Variants in SYT1 observed in about 807,000 individuals in gnomAD.
SYT1 encodes synaptotagmin 1, also known as synaptotagmin-1.
Under a neutral mutation model 44.8 loss-of-function variants are expected in SYT1, and 8 were observed. That is an observed-to-expected ratio of 0.18 (90% CI 0.10 to 0.32). SYT1 has a LOEUF of 0.32. Ranked by LOEUF, SYT1 falls within the 10% of genes least tolerant of loss-of-function variation. The probability of loss-of-function intolerance (pLI) is 1.00; values close to 1 mark genes in which losing one functional copy is unlikely to be tolerated. For synonymous variants in SYT1, 154 were observed against 188.8 expected (o/e 0.82, Z 1.51); for missense variants, 286 against 509.3 (o/e 0.56, Z 4.22).
chr12:79,355,220 GC>G (rs1883066321), intron 9 of SYT1, among the ~76,000 whole-genome samples: 1 of 152,148 alleles, frequency 6.6e-6, no homozygotes, highest in Admixed American at 6.6e-5. Flanking sequence ...GTTAGGTCTA[GC>G]AGGTTATTTT....
chr12:79,316,128 A>G (rs1592959448), intron 8 of SYT1, among the ~76,000 whole-genome samples: 1 of 152,220 alleles, frequency 6.6e-6, no homozygotes, highest in East Asian at 1.9e-4. Context: ...AAGCTACAGA[A>G]CATTTCTTAT....
chr12:78,947,390 C>A (rs76758411), intron 1 of SYT1, among the ~76,000 whole-genome samples: 1,752 of 149,918 alleles, frequency 0.012, 45 homozygotes, highest in African/African-American at 0.041. Flanking sequence ...AATTGGAAAC[C>A]CAGTGGCTAC....
chr12:79,152,777 G>A (rs1870352808), intron 3 of SYT1, among the ~76,000 whole-genome samples: 1 of 151,272 alleles, frequency 6.6e-6, no homozygotes, highest in African/African-American at 2.4e-5. Flanking sequence ...AGGTGAAAGG[G>A]GTATTATAGA....
At chr12:79,005,509 T>A (rs1871017290) in intron 2 of SYT1, among the ~76,000 whole-genome samples, 1 of 152,044 alleles carries the variant, frequency 6.6e-6, no homozygotes, top group Admixed American at 6.6e-5. Flanking sequence ...TGTACATTAA[T>A]CATGTATTAA....
chr12:79,414,742 A>G (rs553682175), intron 9 of SYT1, among the ~76,000 whole-genome samples: 2 of 152,292 alleles, frequency 1.3e-5, no homozygotes, highest in Admixed American at 1.3e-4. Flanking sequence ...CTCTAAGGCA[A>G]TGAAATTTTG....
At position 79,285,819 on chromosome 12, in the gene SYT1, G is replaced by A; in HGVS notation, c.199G>A (p.Val67Ile). The A allele has an allele frequency of 1.2e-6, 2 of 1,611,414 alleles. No homozygotes were observed. The highest frequency in any genetic ancestry group is 1.7e-6 in the Non-Finnish European group (2 of 1,179,378). Residue 67 changes from valine to isoleucine, a missense_variant, in exon 5 of 11, where the codon GTC (valine) becomes ATC (isoleucine). Val to Ile is a conservative substitution (Grantham distance 29, BLOSUM62 3). This residue lies in a region of SYT1 where 141 missense variants were observed against 165.7 expected (regional missense o/e 0.85). Coordinates refer to ENST00000261205, the MANE Select transcript of SYT1 (RefSeq NM_005639.3). The part of the protein sequence containing the change: ...PPWALIAIAI[V>I]AVLLVLTCCF... ...GTGGGCCTTAATTGCAATAGCCATA[G>A]TCGCAGTCCTTTTAGTCCTGACCTG...
At chr12:79,168,270 C>T (rs531662887) in intron 3 of SYT1, among the ~76,000 whole-genome samples, 3 of 152,154 alleles carry the variant, frequency 2.0e-5, no homozygotes, top group South Asian at 4.1e-4. Context: ...GCCTCAGTTT[C>T]CTCATCTGTG....
chr12:79,309,102 G>T (rs868770724), intron 8 of SYT1, among the ~76,000 whole-genome samples: 4 of 152,320 alleles, frequency 2.6e-5, no homozygotes, highest in Middle Eastern at 3.4e-3. Context: ...AAACTGGAGG[G>T]TGTCCTGGCT....
chr12:78,926,326 C>T (rs1565720664), intron 1 of SYT1, among the ~76,000 whole-genome samples: 1 of 152,034 alleles, frequency 6.6e-6, no homozygotes, highest in East Asian at 1.9e-4. Flanking sequence ...GACATTGCTG[C>T]ATTTTTCTCA....
intron 4 of SYT1, 138 bp from the exon 5 acceptor site, chr12:79,285,649 T>C: frequency 1.6e-6 from 1 of 611,528 alleles, no homozygotes; most frequent in Non-Finnish European, 2.8e-6. Context: ...GATAAAGTAC[T>C]GAGGAATGGT....
intron 9 of SYT1, among the ~76,000 whole-genome samples, chr12:79,409,016 A>G (rs1347908157): frequency 6.6e-6 from 1 of 152,030 alleles, no homozygotes; most frequent in Non-Finnish European, 1.5e-5. Context: ...TCGGGCCAGC[A>G]TTACATTCTC....
intron 3 of SYT1, among the ~76,000 whole-genome samples, chr12:79,063,205 C>G (rs1037914409): frequency 6.6e-6 from 1 of 152,134 alleles, no homozygotes; most frequent in Admixed American, 6.6e-5. Flanking sequence ...TGAAATATGA[C>G]CCTTTGTTAA....
Position 79,409,656 on chromosome 12 carries a change from AC to A in SYT1, c.929-34416del, listed in dbSNP as rs571529686. ...AAGCCAGTTTTCAGTTTTATTATTT[AC>A]TTTGCTGCCTTGATCATTTTTCTGC... On this transcript the variant is annotated intron_variant, in intron 9 of 10. Coordinates refer to ENST00000261205, the MANE Select transcript of SYT1 (RefSeq NM_005639.3). Among the ~76,000 whole-genome samples the A allele has an allele frequency of 6.6e-5, 10 of 152,168 alleles. No individual in the cohort carries two copies. The East Asian group carries it at 1.9e-3, about 29-fold the overall frequency.
chr12:79,371,566 A>G (rs944984325), intron 9 of SYT1, among the ~76,000 whole-genome samples: 20 of 152,332 alleles, frequency 1.3e-4, no homozygotes, highest in Admixed American at 1.3e-3. Context: ...CTGCTGGAAA[A>G]TAATGTCCAG....
chr12:79,387,168 C>A (rs964379563), intron 9 of SYT1, among the ~76,000 whole-genome samples: 2 of 152,152 alleles, frequency 1.3e-5, no homozygotes, highest in African/African-American at 4.8e-5. Flanking sequence ...CTCTTACCCA[C>A]CTTGTAATCT....
chr12:79,017,457 A>T lies in SYT1; in HGVS notation c.-83-29840A>T, dbSNP rs529447800. 1.4e-4 allele frequency among the ~76,000 whole-genome samples: 21 copies of T among 152,286 alleles called. 1 individual carries two copies. The South Asian group carries it at 3.5e-3, about 26-fold the overall frequency. On this transcript the variant is annotated intron_variant, in intron 2 of 10. Coordinates refer to ENST00000261205, the MANE Select transcript of SYT1 (RefSeq NM_005639.3). ...AAATTAACTAGGATAGTTCAAAAAT[A>T]TAACAGAGATGTTACTGAAGAGATA...
intron 1 of SYT1, among the ~76,000 whole-genome samples, chr12:78,920,165 A>G (rs1352113260): frequency 6.6e-6 from 1 of 152,038 alleles, no homozygotes; most frequent in Non-Finnish European, 1.5e-5. Flanking sequence ...ATGGACTTGA[A>G]TGAAATGTGC....
chr12:79,108,992 T>C lies in SYT1; in HGVS notation c.-18+61630T>C, dbSNP rs556228616. Among the ~76,000 whole-genome samples the C allele has an allele frequency of 3.3e-5, 5 of 152,258 alleles. No homozygotes were observed. In the East Asian group the frequency reaches 9.7e-4, roughly 29 times the overall value. On this transcript the variant is annotated intron_variant, in intron 3 of 10. Transcript: ENST00000261205. ...CTAAAGATGGGTGTCCACAAGAAAT[T>C]AGGCTTGCAGACAATTTGAAGCATG...
intron 6 of SYT1, 56 bp from the exon 7 acceptor site, chr12:79,296,013 C>A (rs533058054): frequency 2.6e-6 from 4 of 1,536,354 alleles, no homozygotes; most frequent in South Asian, 2.5e-5. Context: ...ACAAATCGAT[C>A]TTTTCCAAAA....
Sources: allele counts gnomAD v4.1 joint callset (sites outside exome capture counted in the v4.1 genomes callset), GRCh38; gene constraint gnomAD v4.1.1; regional missense constraint gnomAD v4.1.1; transcripts MANE v1.5; gene names NCBI Gene and HGNC (gene_info 2026-07-23, HGNC 2026-07-21).